The following ROR1 variants were observed in gnomAD, a reference collection of about 807,000 sequenced individuals.
ROR1 encodes ROR family WNT receptor 1.
Under a neutral mutation model 78.8 loss-of-function variants are expected in ROR1, and 19 were observed. The observed-to-expected ratio is 0.24, with a 90% CI of 0.17 to 0.35. The LOEUF (loss-of-function observed/expected upper bound fraction) is 0.35. ROR1 is among the 10% of genes least tolerant of loss of function. ROR1 has a pLI of 1.00. For missense variants in ROR1, 917 were observed against 1,177.8 expected (o/e 0.78, Z 3.24); for synonymous variants, 386 against 433.6 (o/e 0.89, Z 1.36).
At chr1:63,978,683 T>C (rs1426348892) in intron 1 of ROR1, among the ~76,000 whole-genome samples, 1 of 152,202 alleles carries the variant, frequency 6.6e-6, no homozygotes, top group Non-Finnish European at 1.5e-5. Context: ...CATATGGTTC[T>C]ATAAGAGAAC....
At chr1:63,799,948 G>T (rs1361780358) in intron 1 of ROR1, among the ~76,000 whole-genome samples, 2 of 152,200 alleles carry the variant, frequency 1.3e-5, no homozygotes, top group Non-Finnish European at 2.9e-5. Flanking sequence ...AAAATATGCA[G>T]TTGGTTATCT....
At chr1:64,075,616 A>C (rs906170002) in intron 4 of ROR1, among the ~76,000 whole-genome samples, 1 of 152,056 alleles carries the variant, frequency 6.6e-6, no homozygotes, top group Non-Finnish European at 1.5e-5. Flanking sequence ...TTGCATCCTT[A>C]TTTTTTCACT....
rs927008811 is a variant in ROR1, at chr1:63,843,199, G to C, written c.91+68691G>C. 12 of 1,427,122 alleles carry C rather than the reference G, an allele frequency of 8.4e-6. No homozygotes were observed. In the South Asian group the frequency reaches 1.4e-4, roughly 17 times the overall value. The allele number at this position is 1,427,122 out of a possible 1,614,324, so 88.4% of individuals were successfully genotyped here. The stretch of plus-strand genomic sequence containing the variant: ...AGGTGGCCAGAACCGGCTCACAAAG[G>C]CTTGTCCTCTAGGGAGATGACCGCA... On this transcript the variant is annotated intron_variant, in intron 1 of 8. Coordinates refer to ENST00000371079, the MANE Select transcript of ROR1 (RefSeq NM_005012.4).
intron 8 of ROR1, among the ~76,000 whole-genome samples, chr1:64,162,686 A>T (rs1391278122): frequency 6.6e-6 from 1 of 152,230 alleles, no homozygotes; most frequent in African/African-American, 2.4e-5. Context: ...TTAGCCAAAG[A>T]TTTGAAGCCA....
At chr1:63,846,231 C>T (rs188050404) in intron 1 of ROR1, among the ~76,000 whole-genome samples, 3 of 151,408 alleles carry the variant, frequency 2.0e-5, no homozygotes, top group African/African-American at 7.3e-5. Context: ...GGTGGCCTAC[C>T]CCTCACATCT....
At chr1:63,787,485 C>A (rs949876339) in intron 1 of ROR1, among the ~76,000 whole-genome samples, 1 of 98,432 alleles carries the variant, frequency 1.0e-5, no homozygotes, top group East Asian at 3.3e-4. Flanking sequence ...TTCCTTCCTG[C>A]CTTCCTGCCT....
At chr1:63,785,987 T>G (rs1413665854) in intron 1 of ROR1, among the ~76,000 whole-genome samples, 2 of 152,168 alleles carry the variant, frequency 1.3e-5, no homozygotes, top group African/African-American at 2.4e-5. Context: ...GGTTAGAGTC[T>G]GCTGTCAGGG....
chr1:64,039,420 A>C (rs1646728377), intron 2 of ROR1, among the ~76,000 whole-genome samples: 1 of 152,190 alleles, frequency 6.6e-6, no homozygotes, highest in Non-Finnish European at 1.5e-5. Context: ...ACAAACTTTT[A>C]TTTTGAAAGC....
At chr1:63,778,969 CAG>C (rs1244652102) in intron 1 of ROR1, among the ~76,000 whole-genome samples, 2 of 152,198 alleles carry the variant, frequency 1.3e-5, no homozygotes, top group African/African-American at 2.4e-5. Flanking sequence ...TTTCCAACAG[CAG>C]CAAAGGGAAG....
chr1:63,909,173 A>T (rs961388953), intron 1 of ROR1, among the ~76,000 whole-genome samples: 1 of 151,850 alleles, frequency 6.6e-6, no homozygotes, highest in Non-Finnish European at 1.5e-5. Context: ...CCTGCTTTCC[A>T]CCCTGGGAAC....
rs1002488071 is a variant in ROR1 at position 63,918,796 on chromosome 1, G to A, written c.92-90509G>A. On this transcript the variant is annotated intron_variant, in intron 1 of 8. Coordinates refer to ENST00000371079, the MANE Select transcript of ROR1 (RefSeq NM_005012.4). ...AGTAGTGAGGCATGAGGCTGAGTGC[G>A]TGGAACAGTTCCATAGCTAGCCCTA... Among the ~76,000 whole-genome samples, 9 of 152,136 alleles carry A rather than the reference G, an allele frequency of 5.9e-5. No individual in the cohort carries two copies. The South Asian group carries it at 1.9e-3, about 32-fold the overall frequency.
chr1:64,116,034 G>A (rs1648305014), intron 4 of ROR1, among the ~76,000 whole-genome samples: 1 of 152,158 alleles, frequency 6.6e-6, no homozygotes, highest in South Asian at 2.1e-4. Context: ...TATCTCTTGA[G>A]TACTTGCTTT....
At chr1:63,860,562 T>TACACACACACACACAC (rs68153450) in intron 1 of ROR1, among the ~76,000 whole-genome samples, 58 of 126,596 alleles carry the variant, frequency 4.6e-4, no homozygotes, top group Admixed American at 1.2e-3. Flanking sequence ...CTACTAAAAA[T>TACACACACACACACAC]ACACACACAC....
chr1:63,788,874 C>T (rs1644707763), intron 1 of ROR1: 2 of 857,092 alleles, frequency 2.3e-6, no homozygotes, highest in Non-Finnish European at 3.8e-6. Flanking sequence ...CTGCCTTCAG[C>T]TTGTGGATGT....
intron 7 of ROR1, among the ~76,000 whole-genome samples, chr1:64,145,667 G>A (rs2100716650): frequency 1.3e-5 from 2 of 152,270 alleles, no homozygotes; most frequent in South Asian, 4.1e-4. Flanking sequence ...ATTTTCAACA[G>A]TGATAAGAAA....
chr1:64,050,632 A>C (rs1569630534), intron 3 of ROR1, 54 bp from the exon 4 acceptor site: 1 of 1,515,814 alleles, frequency 6.6e-7, no homozygotes, highest in African/African-American at 1.4e-5. Context: ...ATCCATACTC[A>C]CCCTCCAATA....
chr1:63,847,703 CA>C (rs1301086503), intron 1 of ROR1, among the ~76,000 whole-genome samples: 14 of 152,308 alleles, frequency 9.2e-5, no homozygotes, highest in African/African-American at 3.4e-4. Flanking sequence ...TTAAAGAAAA[CA>C]AGGGGCTGTG....
At chr1:64,067,662 C>G (rs1291477368) in intron 4 of ROR1, among the ~76,000 whole-genome samples, 1 of 151,122 alleles carries the variant, frequency 6.6e-6, no homozygotes, top group Non-Finnish European at 1.5e-5. Context: ...TGACTTTGAA[C>G]CACAATGTAT....
At chr1:63,997,816 G>T (rs760222875) in intron 1 of ROR1, among the ~76,000 whole-genome samples, 2 of 142,578 alleles carry the variant, frequency 1.4e-5, no homozygotes, top group East Asian at 4.4e-4. Flanking sequence ...GTTAGTTTCT[G>T]TATCTATGAT....
Sources: gnomAD v4.1 joint callset for allele counts (sites outside exome capture counted in the v4.1 genomes callset) on GRCh38, gnomAD v4.1.1 for gene constraint, MANE v1.5 for transcripts, NCBI Gene and HGNC (gene_info 2026-07-23, HGNC 2026-07-21) for gene names.